METTL15: variants seen among roughly 807,000 people sequenced by gnomAD.
METTL15 encodes the protein methyltransferase 15, mitochondrial 12S rRNA N4-cytidine.
METTL15 carries 34 observed loss-of-function variants against 38.3 expected under a neutral mutation model. That is an observed-to-expected ratio of 0.89 (90% CI 0.68 to 1.18). METTL15 has a LOEUF of 1.18. Among genes scored for constraint, METTL15 ranks in the 50% most tolerant of loss-of-function variants. The pLI, the probability that METTL15 is intolerant of heterozygous loss-of-function variation, is 0.00. For synonymous variants in METTL15, 162 were observed against 170.9 expected (o/e 0.95, Z 0.41); for missense variants, 438 against 498.4 (o/e 0.88, Z 1.15).
At chr11:28,237,136 T>G (rs1854027023) in intron 4 of METTL15, among the ~76,000 whole-genome samples, 1 of 152,202 alleles carries the variant, frequency 6.6e-6, no homozygotes, top group Non-Finnish European at 1.5e-5. Context: ...TTCCTGAATC[T>G]GAATGTTGGC....
intron 3 of METTL15, among the ~76,000 whole-genome samples, chr11:28,201,715 G>A (rs1852124037): frequency 6.7e-6 from 1 of 149,610 alleles, no homozygotes; most frequent in Non-Finnish European, 1.5e-5. Flanking sequence ...ATTTCTGGGG[G>A]ATCACTATAT....
intron 4 of METTL15, among the ~76,000 whole-genome samples, chr11:28,260,385 A>G (rs1855153624): frequency 6.6e-6 from 1 of 152,082 alleles, no homozygotes; most frequent in Admixed American, 6.6e-5. Context: ...TCCATTTACC[A>G]TATTTTATGT....
chr11:28,479,797 T>C (rs1452035942), intron 6 of METTL15, among the ~76,000 whole-genome samples: 1 of 152,236 alleles, frequency 6.6e-6, no homozygotes, highest in Non-Finnish European at 1.5e-5. Context: ...AATATGTACA[T>C]GTTTATAAGT....
At chr11:28,215,745 A>C (rs1852836670) in intron 4 of METTL15, among the ~76,000 whole-genome samples, 1 of 152,184 alleles carries the variant, frequency 6.6e-6, no homozygotes, top group African/African-American at 2.4e-5. Flanking sequence ...AATATTATAA[A>C]AAGAGGATGG....
intron 3 of METTL15, among the ~76,000 whole-genome samples, chr11:28,134,913 A>T (rs1849465952): frequency 6.6e-6 from 1 of 152,124 alleles, no homozygotes; most frequent in Non-Finnish European, 1.5e-5. Context: ...TTTTCCAAAC[A>T]AAGAAACCTT....
intron 6 of METTL15, among the ~76,000 whole-genome samples, chr11:28,433,360 G>A (rs550007578): frequency 2.8e-4 from 42 of 152,252 alleles, no homozygotes; most frequent in Non-Finnish European, 5.4e-4. Context: ...AGGAAGAATA[G>A]GGTAGTGTTT....
chr11:28,232,046 A>G (rs1255836592), intron 4 of METTL15, among the ~76,000 whole-genome samples: 2 of 151,910 alleles, frequency 1.3e-5, no homozygotes, highest in Non-Finnish European at 2.9e-5. Flanking sequence ...TAATGGGCTG[A>G]GTTCATCTTA....
At chr11:28,156,785 G>C (rs1651032948) in intron 3 of METTL15, among the ~76,000 whole-genome samples, 1 of 152,048 alleles carries the variant, frequency 6.6e-6, no homozygotes, top group South Asian at 2.1e-4. Flanking sequence ...ACTTATAAAT[G>C]ATAATATAGA....
At chr11:28,203,038 A>G (rs1252586710) in intron 3 of METTL15, among the ~76,000 whole-genome samples, 1 of 152,052 alleles carries the variant, frequency 6.6e-6, no homozygotes, top group Non-Finnish European at 1.5e-5. Flanking sequence ...ATTTCTGTCA[A>G]TCTCCAACTC....
At chr11:28,237,759 G>C (rs933707932) in intron 4 of METTL15, among the ~76,000 whole-genome samples, 90 of 152,214 alleles carry the variant, frequency 5.9e-4, no homozygotes, top group African/African-American at 2.0e-3. Flanking sequence ...CTTTGATGAT[G>C]GTGATGTACA....
intron 6 of METTL15, among the ~76,000 whole-genome samples, chr11:28,425,931 TGG>T (rs1218420197): frequency 6.6e-6 from 1 of 152,192 alleles, no homozygotes; most frequent in African/African-American, 2.4e-5. Context: ...TGCATGACTT[TGG>T]GCAATTTATT....
chr11:28,218,539 A>G (rs955495063), intron 4 of METTL15, among the ~76,000 whole-genome samples: 8 of 152,112 alleles, frequency 5.3e-5, no homozygotes, highest in Non-Finnish European at 1.0e-4. Flanking sequence ...TCCTAATTGA[A>G]TACCCTTTAT....
At chr11:28,507,984 A>G (rs1851643681) in intron 6 of METTL15, among the ~76,000 whole-genome samples, 1 of 152,176 alleles carries the variant, frequency 6.6e-6, no homozygotes, top group Non-Finnish European at 1.5e-5. Context: ...TTCCCAGCCC[A>G]TTATAAAAGA....
intron 4 of METTL15, among the ~76,000 whole-genome samples, chr11:28,217,123 T>G (rs1409509426): frequency 6.6e-6 from 1 of 152,194 alleles, no homozygotes; most frequent in Non-Finnish European, 1.5e-5. Context: ...TCTAGATCCC[T>G]GAGGAATCGC....
At chr11:28,163,528 G>T in intron 3 of METTL15, 1 of 395,842 alleles carries the variant, frequency 2.5e-6, no homozygotes, top group East Asian at 3.6e-5. Flanking sequence ...TCTTCTTACT[G>T]ATCTCTCTCT....
chr11:28,456,696 T>G (rs938359191), intron 6 of METTL15, among the ~76,000 whole-genome samples: 2 of 152,112 alleles, frequency 1.3e-5, no homozygotes, highest in African/African-American at 4.8e-5. Flanking sequence ...TGCCTTGGCT[T>G]CCCACAGTGC....
chr11:28,183,516 C>T (rs538075750), intron 3 of METTL15, among the ~76,000 whole-genome samples: 86 of 152,008 alleles, frequency 5.7e-4, no homozygotes, highest in Non-Finnish European at 1.1e-3. Context: ...TTGAGATAAT[C>T]GTTTGGTTTT....
chr11:28,304,052 T>C (rs1856997336), intron 6 of METTL15, among the ~76,000 whole-genome samples: 2 of 152,154 alleles, frequency 1.3e-5, no homozygotes, highest in Non-Finnish European at 2.9e-5. Flanking sequence ...AAATTTAAAG[T>C]GCAAATATTC....
chr11:28,244,840 C>T (rs1206043558), intron 4 of METTL15, among the ~76,000 whole-genome samples: 1 of 152,072 alleles, frequency 6.6e-6, no homozygotes, highest in Non-Finnish European at 1.5e-5. Flanking sequence ...TGGCTGGGGC[C>T]GAAGCTATGG....
Sources: gnomAD v4.1 joint callset for allele counts (sites outside exome capture counted in the v4.1 genomes callset) on GRCh38, gnomAD v4.1.1 for gene constraint, MANE v1.5 for transcripts, NCBI Gene and HGNC (gene_info 2026-07-23, HGNC 2026-07-21) for gene names.